RHBDD1: variants seen among roughly 807,000 people sequenced by gnomAD.
RHBDD1 encodes rhomboid-related protein 4.
A neutral mutation model predicts 36.3 loss-of-function variants in RHBDD1; 38 were observed. That is an observed-to-expected ratio of 1.05 (90% CI 0.81 to 1.37). The LOEUF is 1.37. Ranked by LOEUF, RHBDD1 falls within the 40% of genes most tolerant of loss-of-function variation. The pLI is 0.00. For synonymous variants in RHBDD1, 151 were observed against 136.5 expected, an observed-to-expected ratio of 1.11 and a Z score of -0.74; for missense variants, 393 against 377.6, an observed-to-expected ratio of 1.04 and a Z score of -0.34.
At chr2:226,971,874 A>C (rs1167857597) in intron 8 of RHBDD1, among the ~76,000 whole-genome samples, 1 of 151,732 alleles carries the variant, frequency 6.6e-6, no homozygotes, top group African/African-American at 2.4e-5. Flanking sequence ...AACTTATTGA[A>C]CATGATAGAA....
At chr2:226,884,656 A>G (rs541989492) in intron 5 of RHBDD1, among the ~76,000 whole-genome samples, 1 of 152,296 alleles carries the variant, frequency 6.6e-6, no homozygotes, top group South Asian at 2.1e-4. Flanking sequence ...ATTGGCCATA[A>G]ACGTGTTAAA....
At chr2:226,848,439 T>C (rs777939677) in intron 3 of RHBDD1, among the ~76,000 whole-genome samples, 1 of 152,212 alleles carries the variant, frequency 6.6e-6, no homozygotes, top group East Asian at 1.9e-4. Context: ...ATCTTACTAG[T>C]AGACAGTTGG....
intron 5 of RHBDD1, among the ~76,000 whole-genome samples, chr2:226,898,993 T>G (rs1439648078): frequency 6.6e-6 from 1 of 152,260 alleles, no homozygotes; most frequent in Non-Finnish European, 1.5e-5. Flanking sequence ...TATTACATTT[T>G]CTGCTTTCTG....
At chr2:226,866,029 G>A (rs1399634266) in intron 4 of RHBDD1, among the ~76,000 whole-genome samples, 1 of 152,182 alleles carries the variant, frequency 6.6e-6, no homozygotes, top group Non-Finnish European at 1.5e-5. Flanking sequence ...AATTTATGCA[G>A]CAGATCCACA....
chr2:226,919,936 T>G (rs1012835579), intron 8 of RHBDD1, among the ~76,000 whole-genome samples: 1 of 152,112 alleles, frequency 6.6e-6, no homozygotes, highest in Non-Finnish European at 1.5e-5. Context: ...TTAACAATAT[T>G]GAGTCTTCCA....
intron 4 of RHBDD1, among the ~76,000 whole-genome samples, chr2:226,865,341 C>G (rs891269586): frequency 1.3e-5 from 2 of 152,138 alleles, no homozygotes; most frequent in African/African-American, 4.8e-5. Context: ...CTAGGACCTG[C>G]TGGAAGGTGG....
chr2:226,841,783 A>T (rs755107229), intron 3 of RHBDD1, among the ~76,000 whole-genome samples: 3 of 152,138 alleles, frequency 2.0e-5, no homozygotes, highest in Non-Finnish European at 4.4e-5. Context: ...TTATAATAGA[A>T]TGATTTCTAT....
intron 8 of RHBDD1, among the ~76,000 whole-genome samples, chr2:226,926,438 C>G (rs369331681): frequency 6.6e-6 from 1 of 152,034 alleles, no homozygotes; most frequent in Non-Finnish European, 1.5e-5. Context: ...ATACCGTGCC[C>G]TTTTTATGAT....
In RHBDD1 at chr2:226,997,449, T is replaced by G. The variant is rs1959701029; in HGVS notation, c.*1927T>G. ...AAGGTGTGCCTTCTACGTGGGAACA[T>G]GGATTGTGAATGACTCTGTAATGAG... On this transcript the variant is annotated 3_prime_UTR_variant, in exon 9 of 9. Transcript: ENST00000392062. The G allele has an allele frequency of 6.6e-6, 1 of 152,156 alleles. No homozygotes were observed. The highest frequency in any genetic ancestry group is 2.4e-5 in the African/African-American group (1 of 41,428). 9.4% of individuals were successfully genotyped at this position (152,156 alleles called of 1,614,324 possible). A position where few individuals can be genotyped will look rare whatever the true frequency, so the allele number is the denominator to read the frequency against.
At position 226,937,802 on chromosome 2, in the gene RHBDD1, A is replaced by T. The variant is rs186005616; in HGVS notation, c.856+23451A>T. ...TTTTGTTGTGGCTGCATAGTATTACATGGTGTATACGTACCACATTTTCTT... is the reference window on the plus strand; with the variant it reads ...TTTTGTTGTGGCTGCATAGTATTACTTGGTGTATACGTACCACATTTTCTT... On this transcript the variant is annotated intron_variant, in intron 8 of 8. Transcript: ENST00000392062. Among the ~76,000 whole-genome samples the T allele has an allele frequency of 4.6e-5, 7 of 152,294 alleles. No homozygotes were observed. In the East Asian group the frequency reaches 1.4e-3, roughly 29 times the overall value.
intron 6 of RHBDD1, among the ~76,000 whole-genome samples, chr2:226,907,238 C>T (rs888923220): frequency 9.9e-5 from 15 of 152,234 alleles, no homozygotes; most frequent in Middle Eastern, 6.8e-3. Context: ...AATTAATATA[C>T]GTGCAAGGCA....
chr2:226,945,256 C>G (rs761052069), intron 8 of RHBDD1, among the ~76,000 whole-genome samples: 6 of 151,690 alleles, frequency 4.0e-5, no homozygotes, highest in Non-Finnish European at 8.8e-5. Flanking sequence ...CTTTGCTGCA[C>G]CCATCAACCT....
the RHBDD1 span, among the ~76,000 whole-genome samples, chr2:226,829,057 G>C: frequency 6.6e-6 from 1 of 152,122 alleles, no homozygotes; most frequent in African/African-American, 2.4e-5. Context: ...TCCCTTTGGA[G>C]TTAATTGTTG....
chr2:226,884,605 A>G (rs1456114885), intron 5 of RHBDD1, among the ~76,000 whole-genome samples: 1 of 152,190 alleles, frequency 6.6e-6, no homozygotes, highest in African/African-American at 2.4e-5. Flanking sequence ...TTATATTGCC[A>G]TAGTTTCTGG....
At chr2:226,959,379 A>G (rs1952015740) in intron 8 of RHBDD1, among the ~76,000 whole-genome samples, 1 of 152,222 alleles carries the variant, frequency 6.6e-6, no homozygotes, top group Non-Finnish European at 1.5e-5. Flanking sequence ...CATCACACCC[A>G]ACAGATTCAT....
chr2:226,886,724 C>T (rs188336476), intron 5 of RHBDD1, among the ~76,000 whole-genome samples: 19 of 152,166 alleles, frequency 1.2e-4, no homozygotes, highest in Non-Finnish European at 2.5e-4. Flanking sequence ...AACTAACTCC[C>T]TAATTAAGGG....
intron 5 of RHBDD1, 50 bp downstream of exon 5, chr2:226,867,368 G>A: frequency 6.4e-7 from 1 of 1,560,564 alleles, no homozygotes; most frequent in Non-Finnish European, 8.7e-7. Flanking sequence ...ATGTTCTGTG[G>A]AGAAAAAAAT....
chr2:226,823,218 G>A, the RHBDD1 span, among the ~76,000 whole-genome samples: 1 of 152,188 alleles, frequency 6.6e-6, no homozygotes, highest in Admixed American at 6.5e-5. Flanking sequence ...GTAATGCAGA[G>A]AGCCCTTGCC....
At chr2:226,876,026 C>A (rs965306226) in intron 5 of RHBDD1, among the ~76,000 whole-genome samples, 10 of 152,180 alleles carry the variant, frequency 6.6e-5, no homozygotes, top group Admixed American at 6.5e-4. Context: ...TGGCATGCAG[C>A]AATGTACAGA....
Sources: gnomAD v4.1 joint callset for allele counts (sites outside exome capture counted in the v4.1 genomes callset) on GRCh38, gnomAD v4.1.1 for gene constraint, MANE v1.5 for transcripts, NCBI Gene and HGNC (gene_info 2026-07-23, HGNC 2026-07-21) for gene names.